SNX29: variants seen among roughly 807,000 people sequenced by gnomAD.
SNX29 encodes sorting nexin 29, also known as sorting nexin-29.
In SNX29, 78 loss-of-function variants were observed where a neutral mutation model predicts 102.1. That is an observed-to-expected ratio of 0.76 (90% CI 0.64 to 0.92). SNX29 has a LOEUF of 0.92. Ranked by LOEUF, SNX29 falls within the 40% of genes least tolerant of loss-of-function variation. The pLI, the probability that SNX29 is intolerant of heterozygous loss-of-function variation, is 0.00. For missense variants in SNX29, 1,280 were observed against 1,061.7 expected (o/e 1.21, Z -2.86); for synonymous variants, 580 against 414.5 (o/e 1.40, Z -4.85).
chr16:12,028,812 C>T (rs928487365), intron 4 of SNX29, among the ~76,000 whole-genome samples: 2 of 151,866 alleles, frequency 1.3e-5, no homozygotes, highest in Non-Finnish European at 2.9e-5. Flanking sequence ...GCAATGGCAC[C>T]GTCTTGGCTC....
intron 13 of SNX29, among the ~76,000 whole-genome samples, chr16:12,190,229 C>G (rs1341016742): frequency 6.6e-6 from 1 of 151,940 alleles, no homozygotes; most frequent in African/African-American, 2.4e-5. Flanking sequence ...TTGGAGTTGC[C>G]CTGATGTCAG....
intron 14 of SNX29, among the ~76,000 whole-genome samples, chr16:12,268,421 T>A (rs2078997519): frequency 6.6e-6 from 1 of 152,244 alleles, no homozygotes; most frequent in Admixed American, 6.5e-5. Flanking sequence ...AGGGTCTGTT[T>A]CATCGCAGAG....
chr16:12,059,430 C>T (rs150166901), intron 8 of SNX29, among the ~76,000 whole-genome samples: 34 of 152,330 alleles, frequency 2.2e-4, no homozygotes, highest in African/African-American at 2.9e-4. Flanking sequence ...CCAGGACAGT[C>T]GCGGGAGCGG....
chr16:12,308,916 A>G (rs1231766998), intron 15 of SNX29, among the ~76,000 whole-genome samples: 1 of 152,186 alleles, frequency 6.6e-6, no homozygotes, highest in East Asian at 1.9e-4. Context: ...TGCATGTAGG[A>G]AGGAGAGAAT....
At chr16:12,364,894 A>G (rs2082416509) in intron 16 of SNX29, among the ~76,000 whole-genome samples, 1 of 151,828 alleles carries the variant, frequency 6.6e-6, no homozygotes, top group African/African-American at 2.4e-5. Context: ...CCGCTCTCTC[A>G]CTTGTCCCTT....
chr16:12,456,193 A>G (rs1371269632), intron 18 of SNX29, among the ~76,000 whole-genome samples: 8 of 152,242 alleles, frequency 5.3e-5, no homozygotes, highest in Admixed American at 3.3e-4. Flanking sequence ...GTATTTGTCA[A>G]TTAAAAGAAT....
At chr16:12,427,628 A>G (rs2085135677) in intron 18 of SNX29, among the ~76,000 whole-genome samples, 2 of 152,198 alleles carry the variant, frequency 1.3e-5, no homozygotes, top group Non-Finnish European at 1.5e-5. Context: ...AGCATCGGCC[A>G]TGCTTGGAGG....
chr16:12,377,872 C>G (rs2082935468), intron 16 of SNX29, among the ~76,000 whole-genome samples: 1 of 152,170 alleles, frequency 6.6e-6, no homozygotes. Context: ...AGTCCACAAT[C>G]TCTCCTTGGC....
chr16:12,567,508 G>A (rs1211294948), intron 20 of SNX29, among the ~76,000 whole-genome samples: 1 of 152,138 alleles, frequency 6.6e-6, no homozygotes. Flanking sequence ...GGATTGGCCA[G>A]GCACAGTGGC....
intron 1 of SNX29, among the ~76,000 whole-genome samples, chr16:11,983,460 G>T (rs969585518): frequency 6.6e-6 from 1 of 152,016 alleles, no homozygotes; most frequent in South Asian, 2.1e-4. Flanking sequence ...CTTGTACTTA[G>T]AATAAATAAT....
intron 13 of SNX29, among the ~76,000 whole-genome samples, chr16:12,197,055 C>T (rs886841574): frequency 3.9e-5 from 6 of 152,192 alleles, no homozygotes; most frequent in South Asian, 4.1e-4. Flanking sequence ...ATCGGCCCGA[C>T]GGCTGGCAGC....
intron 20 of SNX29, among the ~76,000 whole-genome samples, chr16:12,567,425 A>C (rs1015359541): frequency 7.2e-5 from 11 of 152,222 alleles, no homozygotes; most frequent in Non-Finnish European, 7.3e-5. Context: ...TAGTAGGCAG[A>C]GTAAGAACAT....
At chr16:12,415,683 C>T (rs931309381) in intron 18 of SNX29, among the ~76,000 whole-genome samples, 1 of 152,016 alleles carries the variant, frequency 6.6e-6, no homozygotes, top group Non-Finnish European at 1.5e-5. Context: ...GGAAGTGAGG[C>T]CTGGTGAGCG....
In SNX29 at chr16:12,326,385, G is replaced by T. The variant is rs2081120909; in HGVS notation, c.1783-29778G>T. On this transcript the variant is annotated intron_variant, in intron 15 of 20. Coordinates refer to ENST00000566228, the MANE Select transcript of SNX29 (RefSeq NM_032167.5). ...GGGCAGTCAGGTTGGGAGGGGCCCT[G>T]GAAGGGTTGAACCAGGTGGGCATGG... Among the ~76,000 whole-genome samples, 2 of 149,104 alleles carry T rather than the reference G, an allele frequency of 1.3e-5. 1 individual carries two copies.
intron 20 of SNX29, among the ~76,000 whole-genome samples, chr16:12,555,986 G>GT (rs2078319003): frequency 6.9e-6 from 1 of 144,318 alleles, no homozygotes; most frequent in Non-Finnish European, 1.5e-5. Flanking sequence ...CAATTTTCAA[G>GT]TGTTTTTTTT....
chr16:12,326,323 T>G (rs1433392472), intron 15 of SNX29, among the ~76,000 whole-genome samples: 1 of 24,944 alleles, frequency 4.0e-5, no homozygotes, highest in Admixed American at 7.4e-4. Context: ...TATATAGCTT[T>G]TTTGTCTTTT....
chr16:12,077,423 G>C (rs2051633347), intron 10 of SNX29, among the ~76,000 whole-genome samples: 1 of 150,700 alleles, frequency 6.6e-6, no homozygotes, highest in Non-Finnish European at 1.5e-5. Context: ...GTGTGTGTGT[G>C]TGTGTATCTC....
chr16:12,260,576 T>A (rs1316544593), intron 14 of SNX29, among the ~76,000 whole-genome samples: 2 of 152,224 alleles, frequency 1.3e-5, no homozygotes, highest in East Asian at 3.8e-4. Context: ...GGTGGGGGCA[T>A]CCATGTCCTC....
At chr16:12,029,734 G>A in intron 4 of SNX29, 1 of 392,682 alleles carries the variant, frequency 2.5e-6, no homozygotes, top group Non-Finnish European at 5.0e-6. Context: ...TGGGACTATA[G>A]GTGTGTGCCA....
Sources: gnomAD v4.1 joint callset for allele counts (sites outside exome capture counted in the v4.1 genomes callset) on GRCh38, gnomAD v4.1.1 for gene constraint, MANE v1.5 for transcripts, NCBI Gene and HGNC (gene_info 2026-07-23, HGNC 2026-07-21) for gene names.